MAN1C1: variants seen among roughly 807,000 people sequenced by gnomAD.
MAN1C1 encodes the protein mannosidase alpha class 1C member 1, also known as mannosyl-oligosaccharide 1,2-alpha-mannosidase IC.
A neutral mutation model predicts 71.5 loss-of-function variants in MAN1C1; 49 were observed. The observed-to-expected ratio is 0.69, with a 90% CI of 0.54 to 0.87. The LOEUF is 0.87. MAN1C1 is among the 40% of genes least tolerant of loss of function. The pLI, the probability that MAN1C1 is intolerant of heterozygous loss-of-function variation, is 0.00. For missense variants in MAN1C1, 743 were observed against 835.0 expected, an observed-to-expected ratio of 0.89 and a Z score of 1.36; for synonymous variants, 352 against 343.7, an observed-to-expected ratio of 1.02 and a Z score of -0.27.
chr1:25,679,185 C>G (rs573196925), intron 1 of MAN1C1, among the ~76,000 whole-genome samples: 14 of 152,256 alleles, frequency 9.2e-5, no homozygotes, highest in African/African-American at 3.1e-4. Context: ...AGGGCTGAAG[C>G]CTGAATTGAG....
At position 25,759,102 on chromosome 1, in the gene MAN1C1, T is replaced by A. The variant is rs2047327899; in HGVS notation, c.1047+393T>A. Reference sequence around the variant, plus strand: ...GCAGAAGTCCCCTTTCCAGAGACATTTAGCTTTTCCATGTGAGATCTGCCT... The same window carrying A: ...GCAGAAGTCCCCTTTCCAGAGACATATAGCTTTTCCATGTGAGATCTGCCT... On this transcript the variant is annotated intron_variant, in intron 6 of 11. Coordinates refer to ENST00000374332, the MANE Select transcript of MAN1C1 (RefSeq NM_020379.4). 3 of 210,198 alleles carry A rather than the reference T, an allele frequency of 1.4e-5. No homozygotes were observed. The South Asian group carries it at 2.8e-4, about 19-fold the overall frequency. The allele number at this position is 210,198 out of a possible 1,614,324, so 13.0% of individuals were successfully genotyped here. A position where few individuals can be genotyped will look rare whatever the true frequency, so the allele number is the denominator to read the frequency against.
Position 25,763,915 on chromosome 1 carries a change from C to G in MAN1C1, c.1089C>G (p.Pro363=), listed in dbSNP as rs1283761934. The G allele has an allele frequency of 6.2e-7, 1 of 1,613,986 alleles. No individual in the cohort carries two copies. Among genetic ancestry groups the G allele is most frequent in the Non-Finnish European group, 8.5e-7 (1 of 1,180,028 alleles). ...AGGTCCTCAGGAAGATCGAAAAGCC[C>G]TTTGGCCTCTACCCCAACTTCCTCA... ...IRKVLRKIEK[P]FGLYPNFLSP... The change falls in exon 7 of 12, where the codon CCC becomes CCG. Residue 363 remains proline (P), a synonymous_variant. Coordinates refer to ENST00000374332, the MANE Select transcript of MAN1C1 (RefSeq NM_020379.4).
chr1:25,657,664 C>A (rs1202562769), intron 1 of MAN1C1, among the ~76,000 whole-genome samples: 6 of 152,166 alleles, frequency 3.9e-5, no homozygotes, highest in Admixed American at 3.9e-4. Flanking sequence ...CTTTGACAAA[C>A]ACACAAAAAG....
At chr1:25,691,557 G>C (rs1467368303) in intron 2 of MAN1C1, among the ~76,000 whole-genome samples, 2 of 152,218 alleles carry the variant, frequency 1.3e-5, no homozygotes, top group Non-Finnish European at 2.9e-5. Flanking sequence ...CATTCATCAA[G>C]CGTCAGCTGC....
chr1:25,768,775 C>T (rs1265544127), intron 7 of MAN1C1, among the ~76,000 whole-genome samples: 1 of 140,258 alleles, frequency 7.1e-6, no homozygotes, highest in African/African-American at 2.7e-5. Context: ...TCCACACTCC[C>T]CTCACACATA....
At position 25,700,689 on chromosome 1, in the gene MAN1C1, A is replaced by G. The variant is rs561191611; in HGVS notation, c.637+14153A>G. Among the ~76,000 whole-genome samples, 436 of 152,362 alleles carry G rather than the reference A, an allele frequency of 2.9e-3. 5 individuals are homozygous for G. Among genetic ancestry groups the G allele is most frequent in the African/African-American group, 9.7e-3 (404 of 41,584 alleles). ...TAAGTGTCTTCATAAAGTTCCCCAC[A>G]GTTCAGTGCCAGGGAATCACACAGA... is the stretch of plus-strand genomic sequence containing the variant. On this transcript the variant is annotated intron_variant, in intron 2 of 11. Transcript: ENST00000374332.
At chr1:25,659,014 A>G (rs2124094162) in intron 1 of MAN1C1, 1 of 152,486 alleles carries the variant, frequency 6.6e-6, no homozygotes, top group Non-Finnish European at 1.5e-5. Flanking sequence ...TGCTGCCCAG[A>G]GGGGATGCAC....
At chr1:25,774,370 T>G (rs1572212638) in intron 8 of MAN1C1, among the ~76,000 whole-genome samples, 1 of 152,154 alleles carries the variant, frequency 6.6e-6, no homozygotes, top group South Asian at 2.1e-4. Context: ...ATCTTACAGA[T>G]GACGAAACTG....
At chr1:25,729,911 G>A (rs570631442) in intron 2 of MAN1C1, among the ~76,000 whole-genome samples, 20 of 152,168 alleles carry the variant, frequency 1.3e-4, no homozygotes, top group South Asian at 2.1e-4. Context: ...CCAGGTCCCC[G>A]TGGCTCACAG....
At chr1:25,768,912 C>T (rs144870311) in intron 7 of MAN1C1, among the ~76,000 whole-genome samples, 23 of 147,422 alleles carry the variant, frequency 1.6e-4, no homozygotes, top group Admixed American at 9.4e-4. Flanking sequence ...ACACTTTCCT[C>T]ACATACACAC....
chr1:25,697,008 A>G (rs571990506), intron 2 of MAN1C1, among the ~76,000 whole-genome samples: 4 of 152,176 alleles, frequency 2.6e-5, no homozygotes, highest in African/African-American at 7.2e-5. Flanking sequence ...AAAATTCTGT[A>G]TTATACTGCA....
intron 1 of MAN1C1, among the ~76,000 whole-genome samples, chr1:25,629,149 T>C (rs1294010955): frequency 1.3e-5 from 2 of 152,232 alleles, no homozygotes; most frequent in East Asian, 1.9e-4. Flanking sequence ...GATCTACTTA[T>C]AGTTCTTAAA....
intron 1 of MAN1C1, among the ~76,000 whole-genome samples, chr1:25,642,223 C>CCCTTACAGAGATCCTGAGGG (rs1007586064): frequency 1.5e-4 from 23 of 152,200 alleles, no homozygotes; most frequent in African/African-American, 4.6e-4. Context: ...AGCAGCCTTG[C>CCCTTACAGAGATCCTGAGGG]CCTTACAGAG....
At position 25,738,643 on chromosome 1, in the gene MAN1C1, T is replaced by C. The variant is rs145023712; in HGVS notation, c.638-8025T>C. On this transcript the variant is annotated intron_variant, in intron 2 of 11. Coordinates refer to ENST00000374332, the MANE Select transcript of MAN1C1 (RefSeq NM_020379.4). ...GGCTGAGGCTGACTCGACAGCTGGG[T>C]GGTAGTATTATCTGGAAGCTTTTTG... Among the ~76,000 whole-genome samples, 1,263 of 152,108 alleles carry C rather than the reference T, an allele frequency of 8.3e-3. 16 individuals are homozygous for C. The highest frequency in any genetic ancestry group is 0.028 in the African/African-American group (1,151 of 41,496).
intron 2 of MAN1C1, among the ~76,000 whole-genome samples, chr1:25,713,270 G>T (rs1453292585): frequency 6.6e-6 from 1 of 152,242 alleles, no homozygotes; most frequent in Non-Finnish European, 1.5e-5. Context: ...ATGGAGGGAT[G>T]TGTTGGGTGC....
Position 25,725,543 on chromosome 1 carries a change from G to T in MAN1C1, c.638-21125G>T, listed in dbSNP as rs896394379. Among the ~76,000 whole-genome samples the T allele has an allele frequency of 6.6e-6, 1 of 152,198 alleles. No individual in the cohort carries two copies. Among genetic ancestry groups the T allele is most frequent in the Non-Finnish European group, 1.5e-5 (1 of 68,036 alleles). On this transcript the variant is annotated intron_variant, in intron 2 of 11. Transcript: ENST00000374332. This position sits in a 1 kb window ranked among gnomAD's most constrained non-coding sequence, Gnocchi z 4.8. ...GGTAAAGGGCACAGCACGTGCAAGG[G>T]CATGGTGGCGTGAGAGTACAGGAGT...
chr1:25,739,162 C>T (rs937396360), intron 2 of MAN1C1, among the ~76,000 whole-genome samples: 2 of 152,174 alleles, frequency 1.3e-5, no homozygotes, highest in Non-Finnish European at 2.9e-5. Context: ...AGCACCTCAT[C>T]CTTTCTGCTT....
In MAN1C1 at chr1:25,686,034, G is replaced by A. The variant is rs1053852284; in HGVS notation, c.541-406G>A. ...AACCCGTCTCCTTAGCTATAAAATG[G>A]GTTAACAATACCTAGCTCGGAGTGT... is the stretch of plus-strand genomic sequence containing the variant. On this transcript the variant is annotated intron_variant, in intron 1 of 11. Transcript: ENST00000374332. Among the ~76,000 whole-genome samples the A allele has an allele frequency of 2.6e-5, 4 of 152,312 alleles. No individual in the cohort carries two copies. In the East Asian group the frequency reaches 5.8e-4, roughly 22 times the overall value.
At chr1:25,662,787 C>T (rs1027509575) in intron 1 of MAN1C1, among the ~76,000 whole-genome samples, 2 of 152,130 alleles carry the variant, frequency 1.3e-5, no homozygotes, top group African/African-American at 4.8e-5. Context: ...TTAGGCCGGG[C>T]ACGGTGGCTC....
Sources: gnomAD v4.1 joint callset for allele counts (sites outside exome capture counted in the v4.1 genomes callset) on GRCh38, gnomAD v4.1.1 for gene constraint, Gnocchi (gnomAD v3.1) non-coding constraint, MANE v1.5 for transcripts, NCBI Gene and HGNC (gene_info 2026-07-23, HGNC 2026-07-21) for gene names.